The following GLRB variants were observed in gnomAD, a reference collection of about 807,000 sequenced individuals.
GLRB encodes glycine receptor subunit beta.
GLRB carries 33 observed loss-of-function variants against 54.2 expected under a neutral mutation model. The observed-to-expected ratio is 0.61, with a 90% CI of 0.46 to 0.81. GLRB has a LOEUF of 0.81. Among genes scored for constraint, GLRB ranks in the 40% least tolerant of loss-of-function variants. GLRB has a pLI of 0.00. For missense variants in GLRB, 572 were observed against 584.6 expected, an observed-to-expected ratio of 0.98 and a Z score of 0.22; for synonymous variants, 209 against 208.2, an observed-to-expected ratio of 1.00 and a Z score of -0.03.
At chr4:157,154,293 C>G (rs1737137849) in intron 9 of GLRB, among the ~76,000 whole-genome samples, 1 of 151,914 alleles carries the variant, frequency 6.6e-6, no homozygotes, top group African/African-American at 2.4e-5. Flanking sequence ...CTCTGCCATT[C>G]TCTTATGTTT....
At chr4:157,090,603 G>A (rs559735963) in intron 2 of GLRB, among the ~76,000 whole-genome samples, 22 of 152,330 alleles carry the variant, frequency 1.4e-4, no homozygotes, top group South Asian at 2.1e-4. Flanking sequence ...GAGGTGCAAT[G>A]TGAAATCTGA....
intron 2 of GLRB, among the ~76,000 whole-genome samples, chr4:157,082,196 T>C (rs1474415338): frequency 6.6e-6 from 1 of 152,194 alleles, no homozygotes; most frequent in Non-Finnish European, 1.5e-5. Flanking sequence ...AATCTGATTG[T>C]TTCATAATGA....
chr4:157,133,444 A>G (rs1366564749), intron 4 of GLRB, among the ~76,000 whole-genome samples: 1 of 151,974 alleles, frequency 6.6e-6, no homozygotes, highest in East Asian at 1.9e-4. Context: ...ACTGATCTTC[A>G]GAGTCAAAAT....
At chr4:157,169,521 A>G (rs1737839601) in intron 9 of GLRB, among the ~76,000 whole-genome samples, 1 of 152,118 alleles carries the variant, frequency 6.6e-6, no homozygotes, top group African/African-American at 2.4e-5. Flanking sequence ...AAGTCCCTGC[A>G]GTCTGCCCTG....
At chr4:157,143,760 CTG>C in intron 7 of GLRB, 45 bp from the exon 8 acceptor site, 1 of 1,576,646 alleles carries the variant, frequency 6.3e-7, no homozygotes, top group Non-Finnish European at 8.7e-7. Flanking sequence ...GTTTGCCATT[CTG>C]TGTGGGTGAA....
chr4:157,155,915 C>T (rs973849330), intron 9 of GLRB, among the ~76,000 whole-genome samples: 8 of 151,686 alleles, frequency 5.3e-5, no homozygotes, highest in Admixed American at 1.3e-4. Flanking sequence ...TTCAAGACTG[C>T]GATAACACAA....
chr4:157,102,076 T>C lies in GLRB; in HGVS notation c.123-18480T>C, dbSNP rs533098205. ...TAAAAAGGTGCCAACTAATTTTTAA[T>C]GGATTTTTTTCTGTGCTAAATTGAG... On this transcript the variant is annotated intron_variant, in intron 2 of 9. Coordinates refer to ENST00000264428, the MANE Select transcript of GLRB (RefSeq NM_000824.5). Among the ~76,000 whole-genome samples the C allele has an allele frequency of 5.3e-5, 8 of 152,312 alleles. No individual in the cohort carries two copies. In the East Asian group the frequency reaches 1.5e-3, roughly 29 times the overall value.
chr4:157,152,191 G>A (rs1737045523), intron 8 of GLRB, among the ~76,000 whole-genome samples: 1 of 152,062 alleles, frequency 6.6e-6, no homozygotes, highest in South Asian at 2.1e-4. Flanking sequence ...GGAATCATAT[G>A]TTCTCCCTAA....
intron 2 of GLRB, among the ~76,000 whole-genome samples, chr4:157,079,449 G>A (rs914921111): frequency 6.6e-6 from 1 of 152,146 alleles, no homozygotes; most frequent in Non-Finnish European, 1.5e-5. Flanking sequence ...GTAAAATTCT[G>A]GAGAGAGTAT....
chr4:157,153,141 C>G, intron 9 of GLRB, 131 bp downstream of exon 9: 1 of 826,780 alleles, frequency 1.2e-6, no homozygotes, highest in Non-Finnish European at 2.0e-6. Context: ...CAGATGAAAA[C>G]AAACTGAGCA....
rs1302907815 is a variant in GLRB at position 157,170,519 on chromosome 4, G to A, written c.1285G>A (p.Asp429Asn). The A allele has an allele frequency of 1.9e-6, 3 of 1,610,986 alleles. No homozygotes were observed. The African/African-American group carries it at 4.0e-5, about 22-fold the overall frequency. ...DFSIVGSLPR[D>N]FELSNYDCYG... Reference sequence around the variant, plus strand: ...CAGCATTGTTGGAAGCTTACCAAGAGATTTTGAACTATCCAATTATGACTG... The same window carrying A: ...CAGCATTGTTGGAAGCTTACCAAGAAATTTTGAACTATCCAATTATGACTG... The change falls in exon 10 of 10, where the codon GAT becomes AAT. Residue 429 changes from aspartate to asparagine, a missense_variant. By Grantham distance (23) the Asp-to-Asn change is conservative (BLOSUM62 1). Transcript: ENST00000264428.
intron 9 of GLRB, among the ~76,000 whole-genome samples, chr4:157,161,907 A>G (rs961197158): frequency 6.6e-6 from 1 of 152,130 alleles, no homozygotes; most frequent in African/African-American, 2.4e-5. Context: ...GTTCTCCTGG[A>G]TAATATCCTG....
At chr4:157,100,954 G>C (rs1735000849) in intron 2 of GLRB, among the ~76,000 whole-genome samples, 2 of 152,126 alleles carry the variant, frequency 1.3e-5, no homozygotes, top group Non-Finnish European at 2.9e-5. Flanking sequence ...TTGTTTGCCA[G>C]TATTTTTCCT....
chr4:157,095,802 T>C (rs1056459972), intron 2 of GLRB, among the ~76,000 whole-genome samples: 4 of 152,040 alleles, frequency 2.6e-5, no homozygotes, highest in African/African-American at 9.7e-5. Context: ...ATAGATCAGA[T>C]CAGAGAGGGC....
intron 2 of GLRB, among the ~76,000 whole-genome samples, chr4:157,104,703 G>C (rs1352831992): frequency 9.2e-5 from 14 of 151,928 alleles, no homozygotes; most frequent in Admixed American, 9.2e-4. Flanking sequence ...TCTTTGTTGG[G>C]AGGTTTTGAT....
At chr4:157,170,010 C>G (rs954520662) in intron 9 of GLRB, among the ~76,000 whole-genome samples, 7 of 152,056 alleles carry the variant, frequency 4.6e-5, no homozygotes, top group Non-Finnish European at 7.4e-5. Flanking sequence ...GAAATAGGAT[C>G]TATAAGGAAG....
chr4:157,078,323 T>G, intron 2 of GLRB, 177 bp downstream of exon 2: 1 of 597,226 alleles, frequency 1.7e-6, no homozygotes. Context: ...AAGAATTAAT[T>G]CCCAATGTTC....
intron 2 of GLRB, among the ~76,000 whole-genome samples, chr4:157,083,012 A>G (rs1490313961): frequency 6.7e-6 from 1 of 149,630 alleles, no homozygotes; most frequent in East Asian, 2.0e-4. Context: ...ACAATTTAGT[A>G]TTTTAAGAAA....
intron 4 of GLRB, among the ~76,000 whole-genome samples, chr4:157,128,156 A>G (rs1736082046): frequency 6.6e-6 from 1 of 151,876 alleles, no homozygotes; most frequent in Admixed American, 6.6e-5. Flanking sequence ...CATTAAGGTT[A>G]ATTCTATTAA....
Sources: allele counts gnomAD v4.1 joint callset (sites outside exome capture counted in the v4.1 genomes callset), GRCh38; gene constraint gnomAD v4.1.1; transcripts MANE v1.5; gene names NCBI Gene and HGNC (gene_info 2026-07-23, HGNC 2026-07-21).